Variants in EGF observed in about 807,000 individuals in gnomAD.
EGF encodes the protein epidermal growth factor, also known as pro-epidermal growth factor.
Under a neutral mutation model 143.8 loss-of-function variants are expected in EGF, and 95 were observed. The observed-to-expected ratio is 0.66, with a 90% CI of 0.56 to 0.78. The LOEUF (loss-of-function observed/expected upper bound fraction) is 0.78. EGF is among the 30% of genes least tolerant of loss of function. The pLI is 0.00. For synonymous variants in EGF, 510 were observed against 510.5 expected (o/e 1.00, Z 0.01); for missense variants, 1,320 against 1,470.9 (o/e 0.90, Z 1.68).
chr4:109,988,682 T>A lies in EGF; in HGVS notation c.2707T>A (p.Tyr903Asn). Residue 903 changes from tyrosine (Y) to asparagine (N), a missense_variant, in exon 18 of 24, where the codon TAC becomes AAC. Physicochemically the swap from Tyr to Asn is moderately radical, Grantham distance 143 (BLOSUM62 -2). Transcript: ENST00000265171. ...TTATGTCTGCCGGTGCTCAGAAGGC[T>A]ACCAAGGAGATGGGATTCACTGTCT... ...GGYVCRCSEG[Y>N]QGDGIHCLDI... 6.2e-7 allele frequency: 1 copy of A among 1,614,034 alleles called. No individual in the cohort carries two copies. Among genetic ancestry groups the A allele is most frequent in the Non-Finnish European group, 8.5e-7 (1 of 1,179,930 alleles).
intron 21 of EGF, chr4:110,004,211 TACATACACACACAC>T (rs1411743592): frequency 4.1e-4 from 157 of 387,460 alleles, no homozygotes; most frequent in African/African-American, 3.5e-3. Context: ...TACATGGGCA[TACATACACACACAC>T]ACACACACAC....
rs148530497 is a variant in EGF, at chr4:109,987,786, G to A, written c.2534G>A (p.Arg845Gln). ...CAPVGCSMYARCISEGEDATC... is the reference protein window; with the variant it reads ...CAPVGCSMYAQCISEGEDATC... ...CCTGTGGGATGCAGCATGTATGCTC[G>A]GTGTATTTCAGAGGGAGAGGATGCC... Residue 845 changes from arginine to glutamine, a missense_variant, in exon 17 of 24, where the codon CGG becomes CAG. By Grantham distance (43) the Arg-to-Gln change is conservative. Around this residue, in one of 5 missense-constraint regions of EGF, gnomAD observed 1,186 missense variants for 1,313.7 expected, o/e 0.90. Coordinates refer to ENST00000265171, the MANE Select transcript of EGF (RefSeq NM_001963.6). The A allele has an allele frequency of 4.5e-5, 72 of 1,613,818 alleles. No homozygotes were observed. Among genetic ancestry groups the A allele is most frequent in the Non-Finnish European group, 5.5e-5 (65 of 1,179,886 alleles).
At chr4:109,953,701 T>C (rs1436574239) in intron 5 of EGF, among the ~76,000 whole-genome samples, 1 of 152,190 alleles carries the variant, frequency 6.6e-6, no homozygotes, top group Non-Finnish European at 1.5e-5. Context: ...CTGGAGTTTC[T>C]AGTCTGTGTG....
intron 5 of EGF, among the ~76,000 whole-genome samples, chr4:109,950,516 C>A (rs1016366993): frequency 3.3e-5 from 5 of 152,216 alleles, no homozygotes; most frequent in Non-Finnish European, 5.9e-5. Flanking sequence ...CCAGTCATGT[C>A]ACTCTTTGAT....
chr4:109,962,269 T>C (rs1258974488), intron 8 of EGF, among the ~76,000 whole-genome samples: 1 of 152,250 alleles, frequency 6.6e-6, no homozygotes, highest in Admixed American at 6.5e-5. Context: ...GATTTTGGTC[T>C]AGATACTTGC....
Position 109,980,955 on chromosome 4 carries a change from A to T in EGF, c.2351A>T (p.Asp784Val), listed in dbSNP as rs11569017. ...GATGGGAAAACGTGTCTGGCTCTGG[A>T]TGGTCATCAGCTGTTGGCAGGTAAT... ...ASDGKTCLAL[D>V]GHQLLAGGEV... Residue 784 changes from aspartate (D) to valine (V), a missense_variant, in exon 15 of 24, where the codon GAT becomes GTT. By Grantham distance (152) the Asp-to-Val change is radical. Around this residue, in one of 5 missense-constraint regions of EGF, gnomAD observed 1,186 missense variants for 1,313.7 expected, o/e 0.90. Coordinates refer to ENST00000265171, the MANE Select transcript of EGF (RefSeq NM_001963.6). The T allele has an allele frequency of 0.06, 96,778 of 1,613,974 alleles. 3,671 individuals carry two copies. Among genetic ancestry groups the T allele is most frequent in the East Asian group, 0.2 (9,024 of 44,862 alleles).
chr4:109,947,658 A>G (rs547723277), intron 5 of EGF, among the ~76,000 whole-genome samples: 2 of 152,322 alleles, frequency 1.3e-5, no homozygotes, highest in Admixed American at 1.3e-4. Context: ...CATACAACTC[A>G]TTGTCTGAGT....
intron 15 of EGF, among the ~76,000 whole-genome samples, chr4:109,982,359 G>C (rs546112007): frequency 6.6e-6 from 1 of 151,034 alleles, no homozygotes; most frequent in South Asian, 2.1e-4. Context: ...ACAGGGTCTT[G>C]CTCTGTCACC....
intron 6 of EGF, 63 bp downstream of exon 6, chr4:109,959,500 A>C (rs1745349626): frequency 6.2e-7 from 1 of 1,610,156 alleles, no homozygotes; most frequent in African/African-American, 1.3e-5. Context: ...GGAATGCTCA[A>C]CTGAGCCAGC....
At chr4:110,000,770 G>A (rs574003679) in intron 21 of EGF, among the ~76,000 whole-genome samples, 71 of 152,274 alleles carry the variant, frequency 4.7e-4, no homozygotes, top group Non-Finnish European at 7.8e-4. Context: ...TTTTATGTAC[G>A]GTTATAGTTT....
chr4:109,925,145 T>C (rs1387901313), intron 1 of EGF, among the ~76,000 whole-genome samples: 2 of 152,204 alleles, frequency 1.3e-5, no homozygotes, highest in African/African-American at 4.8e-5. Flanking sequence ...AAGCCTGATA[T>C]TATTGGTGAA....
At chr4:109,954,878 G>A (rs1354414210) in intron 5 of EGF, among the ~76,000 whole-genome samples, 1 of 152,218 alleles carries the variant, frequency 6.6e-6, no homozygotes, top group Non-Finnish European at 1.5e-5. Context: ...TAAAATGGAA[G>A]ATGATACTTG....
chr4:109,993,487 G>A, intron 19 of EGF, 118 bp downstream of exon 19: 5 of 1,458,910 alleles, frequency 3.4e-6, no homozygotes, highest in South Asian at 1.3e-5. Context: ...AGGCTGCAGA[G>A]CTGGCTTTCC....
At chr4:109,918,562 G>A (rs1412759450) in intron 1 of EGF, among the ~76,000 whole-genome samples, 2 of 152,108 alleles carry the variant, frequency 1.3e-5, no homozygotes, top group Non-Finnish European at 2.9e-5. Flanking sequence ...TGATGAGGAA[G>A]GCAAGGCTAT....
intron 18 of EGF, among the ~76,000 whole-genome samples, chr4:109,990,272 G>A (rs951159857): frequency 2.0e-5 from 3 of 152,162 alleles, no homozygotes; most frequent in East Asian, 1.9e-4. Context: ...CAAGGAAAAC[G>A]TGACCTAAAA....
intron 11 of EGF, among the ~76,000 whole-genome samples, chr4:109,970,546 C>T (rs1451313632): frequency 6.6e-6 from 1 of 152,048 alleles, no homozygotes; most frequent in African/African-American, 2.4e-5. Flanking sequence ...CAGGATAATC[C>T]ATGGGAAACA....
intron 5 of EGF, among the ~76,000 whole-genome samples, chr4:109,946,431 T>C (rs1217324784): frequency 6.6e-6 from 1 of 152,220 alleles, no homozygotes; most frequent in African/African-American, 2.4e-5. Context: ...TTCATTCCTT[T>C]AGGGTTTTGC....
chr4:110,001,725 A>G (rs1243289338), intron 21 of EGF: 1 of 985,324 alleles, frequency 1.0e-6, no homozygotes, highest in Non-Finnish European at 1.2e-6. Context: ...AAAGATGACT[A>G]TAGACTTTAC....
At chr4:109,937,935 G>T (rs549626083) in intron 1 of EGF, among the ~76,000 whole-genome samples, 127 of 152,226 alleles carry the variant, frequency 8.3e-4, no homozygotes, top group African/African-American at 2.9e-3. Context: ...CTCTCTGGCT[G>T]CCCTTAACAT....
Sources: gnomAD v4.1 joint callset for allele counts (sites outside exome capture counted in the v4.1 genomes callset) on GRCh38, gnomAD v4.1.1 for gene constraint, gnomAD v4.1.1 regional missense constraint, MANE v1.5 for transcripts, NCBI Gene and HGNC (gene_info 2026-07-23, HGNC 2026-07-21) for gene names.